The following REV3L variants were observed in gnomAD, a reference collection of about 807,000 sequenced individuals.
REV3L encodes DNA polymerase zeta catalytic subunit.
REV3L carries 69 observed loss-of-function variants against 299.4 expected under a neutral mutation model. The observed-to-expected ratio is 0.23, with a 90% CI of 0.19 to 0.28. The LOEUF (loss-of-function observed/expected upper bound fraction) is 0.28, where lower values mean the gene tolerates loss of function less well. Ranked by LOEUF, REV3L falls within the 10% of genes least tolerant of loss-of-function variation. REV3L has a pLI of 1.00. For missense variants in REV3L, 3,128 were observed against 3,693.8 expected (o/e 0.85, Z 3.97); for synonymous variants, 1,238 against 1,271.4 (o/e 0.97, Z 0.56).
chr6:111,355,036 T>C (rs1439936760), intron 18 of REV3L, among the ~76,000 whole-genome samples: 1 of 152,076 alleles, frequency 6.6e-6, no homozygotes, highest in Non-Finnish European at 1.5e-5. Context: ...GAATCATAGT[T>C]ATATTTAAGT....
chr6:111,386,618 C>T (rs7766610), intron 9 of REV3L, among the ~76,000 whole-genome samples: 14 of 151,898 alleles, frequency 9.2e-5, no homozygotes, highest in Admixed American at 2.0e-4. Context: ...TTTTTAGTGA[C>T]GTTTATTCTT....
intron 9 of REV3L, among the ~76,000 whole-genome samples, chr6:111,383,660 T>C (rs979187715): frequency 2.0e-5 from 3 of 152,044 alleles, no homozygotes; most frequent in Non-Finnish European, 2.9e-5. Flanking sequence ...GAAGAATCAA[T>C]ACTGATAAAA....
chr6:111,365,856 C>T (rs1474193831), intron 14 of REV3L, among the ~76,000 whole-genome samples: 2 of 152,006 alleles, frequency 1.3e-5, no homozygotes, highest in African/African-American at 4.8e-5. Context: ...GGATTTTTCC[C>T]TGATTACTGT....
chr6:111,481,966 T>C (rs1793738656), intron 1 of REV3L, among the ~76,000 whole-genome samples: 1 of 152,186 alleles, frequency 6.6e-6, no homozygotes, highest in South Asian at 2.1e-4. Context: ...TTTCAAAATG[T>C]CTGTGCTGCT....
intron 1 of REV3L, among the ~76,000 whole-genome samples, chr6:111,479,060 AC>A (rs1246613445): frequency 6.6e-6 from 1 of 152,230 alleles, no homozygotes; most frequent in Non-Finnish European, 1.5e-5. Flanking sequence ...ACATCAAGCA[AC>A]TAAGCAAAAG....
chr6:111,429,718 CG>C (rs771081076), intron 1 of REV3L, among the ~76,000 whole-genome samples: 36 of 152,262 alleles, frequency 2.4e-4, no homozygotes, highest in Middle Eastern at 6.8e-3. Flanking sequence ...AGGGGCCTCG[CG>C]GGCCCCGCTC....
intron 9 of REV3L, among the ~76,000 whole-genome samples, chr6:111,383,233 T>G (rs1008278186): frequency 1.3e-5 from 2 of 152,198 alleles, no homozygotes; most frequent in Non-Finnish European, 2.9e-5. Context: ...GATGCCTAGT[T>G]TCACCACTGT....
chr6:111,483,183 A>T lies in REV3L; in HGVS notation c.-295T>A. The T allele has an allele frequency of 2.0e-6, 1 of 488,904 alleles. No individual in the cohort carries two copies. The highest frequency in any genetic ancestry group is 2.0e-5 in the African/African-American group (1 of 48,962). The allele number at this position is 488,904 out of a possible 1,614,324, so 30.3% of individuals were successfully genotyped here. A position where few individuals can be genotyped will look rare whatever the true frequency, so the allele number is the denominator to read the frequency against. ...GGAATCACACGGGCTCCTCGGTCCC[A>T]GGCTGCAGCTCTTGTTGCCATGATG... is the stretch of plus-strand genomic sequence containing the variant. On this transcript the variant is annotated 5_prime_UTR_variant, in exon 1 of 32. Transcript: ENST00000368802.
chr6:111,447,302 C>T (rs1415096874), intron 1 of REV3L, among the ~76,000 whole-genome samples: 4 of 152,180 alleles, frequency 2.6e-5, no homozygotes, highest in Admixed American at 1.3e-4. Flanking sequence ...ATTATTTCAA[C>T]TCCAACTTTC....
At chr6:111,465,689 C>T (rs954932479) in intron 1 of REV3L, among the ~76,000 whole-genome samples, 3 of 141,494 alleles carry the variant, frequency 2.1e-5, no homozygotes, top group Admixed American at 7.9e-5. Flanking sequence ...GCTGAGATCG[C>T]GCCCGAGCAC....
At chr6:111,425,435 G>A (rs1409466012) in intron 1 of REV3L, among the ~76,000 whole-genome samples, 1 of 152,116 alleles carries the variant, frequency 6.6e-6, no homozygotes. Flanking sequence ...CTCCAGCCTG[G>A]GCGACAGAGT....
chr6:111,482,710 G>T, intron 1 of REV3L, 40 bp downstream of exon 1: 1 of 1,205,156 alleles, frequency 8.3e-7, no homozygotes, highest in Non-Finnish European at 1.0e-6. Context: ...CCGGCGCCCC[G>T]CCGACTCCCG....
chr6:111,373,944 C>T lies in REV3L; in HGVS notation c.4411G>A (p.Ala1471Thr), dbSNP rs2115072747. 6.2e-7 allele frequency: 1 copy of T among 1,614,106 alleles called. No individual in the cohort carries two copies. Among genetic ancestry groups the T allele is most frequent in the South Asian group, 1.1e-5 (1 of 91,086 alleles). ...AAGCCCCTTTGCTTTTGCTCCCATG[C>T]TATTTGTTTGATTGGACTTCTCAAG... ...TSLRSPIKQI[A>T]WEQKQRGFIL... The change falls in exon 13 of 32, where the codon GCA (alanine) becomes ACA (threonine). Residue 1471 changes from alanine (A) to threonine (T), a missense_variant. Ala to Thr is a moderately conservative substitution (Grantham distance 58). Coordinates refer to ENST00000368802, the MANE Select transcript of REV3L (RefSeq NM_001372078.1).
At chr6:111,396,252 C>G (rs1047569880) in intron 4 of REV3L, among the ~76,000 whole-genome samples, 2 of 152,122 alleles carry the variant, frequency 1.3e-5, no homozygotes, top group Admixed American at 1.3e-4. Flanking sequence ...GTCTCAAACT[C>G]CTGGGCTCAA....
At position 111,430,734 on chromosome 6, in the gene REV3L, A is replaced by G. The variant is rs369256760; in HGVS notation, c.140-14262T>C. The stretch of plus-strand genomic sequence containing the variant: ...AAGAAAGACAAAGACATGCTTGAAG[A>G]TAAGTTTAAAAGCAATAATTTAGAG... On this transcript the variant is annotated intron_variant, in intron 1 of 31. Coordinates refer to ENST00000368802, the MANE Select transcript of REV3L (RefSeq NM_001372078.1). The G allele has an allele frequency of 8.5e-4, 1,324 of 1,556,984 alleles. 21 individuals are homozygous for G. The South Asian group carries it at 0.014, about 16-fold the overall frequency.
intron 4 of REV3L, among the ~76,000 whole-genome samples, chr6:111,393,838 G>T (rs547264058): frequency 6.6e-6 from 1 of 151,872 alleles, no homozygotes; most frequent in Non-Finnish European, 1.5e-5. Context: ...GGCTAAAGAC[G>T]AACTTTTTTT....
Position 111,331,725 on chromosome 6 carries a change from T to C in REV3L, c.7985A>G (p.Gln2662Arg). ...GGACACTGTGATATCATGCCTAACT[T>C]GGTAAAGTAAATCTGGAGGTACTCT... Reference protein sequence around the residue: ...SLRVPPDLLYQVRHDITVSPN... With the variant: ...SLRVPPDLLYRVRHDITVSPN... The change falls in exon 24 of 32, where the codon CAA (glutamine) becomes CGA (arginine). Residue 2662 changes from glutamine to arginine, a missense_variant. Gln to Arg is a conservative substitution (Grantham distance 43). This residue lies in a region of REV3L where 149 missense variants were observed against 286.4 expected (regional missense o/e 0.52). Transcript: ENST00000368802. The C allele has an allele frequency of 6.2e-7, 1 of 1,613,438 alleles. No individual in the cohort carries two copies. The highest frequency in any genetic ancestry group is 1.3e-5 in the African/African-American group (1 of 75,036).
rs746189165 is a variant in REV3L, at chr6:111,376,265, GGGTGAC to G, written c.2084_2089del (p.Arg695_His696del). ...ATTTTTGCCCAATGTATTCTCGTTAGGGTGACGGTGCATATGTATAAAAGGGGAATC... is the reference window on the plus strand; with the variant it reads ...ATTTTTGCCCAATGTATTCTCGTTAGGGTGCATATGTATAAAAGGGGAATC... On this transcript the variant is annotated inframe_deletion, in exon 13 of 32. Coordinates refer to ENST00000368802, the MANE Select transcript of REV3L (RefSeq NM_001372078.1). 4.8e-5 allele frequency: 77 copies of G among 1,613,706 alleles called. No individual in the cohort carries two copies. The highest frequency in any genetic ancestry group is 6.4e-5 in the Non-Finnish European group (75 of 1,179,928).
chr6:111,441,155 A>T (rs75760718), intron 1 of REV3L, among the ~76,000 whole-genome samples: 5,482 of 152,232 alleles, frequency 0.036, 327 homozygotes, highest in African/African-American at 0.12. Context: ...GGTATTCTTC[A>T]TTTCTGTTAT....
Sources: gnomAD v4.1 joint callset for allele counts (sites outside exome capture counted in the v4.1 genomes callset) on GRCh38, gnomAD v4.1.1 for gene constraint, gnomAD v4.1.1 regional missense constraint, MANE v1.5 for transcripts, NCBI Gene and HGNC (gene_info 2026-07-23, HGNC 2026-07-21) for gene names.